PCDHGA11: variants seen among roughly 807,000 people sequenced by gnomAD.
PCDHGA11 encodes protocadherin gamma-A11.
In PCDHGA11, 39 loss-of-function variants were observed where a neutral mutation model predicts 60.4. The ratio of observed to expected loss-of-function variants is 0.65; its 90% confidence interval spans 0.50 to 0.84. The LOEUF (loss-of-function observed/expected upper bound fraction) is 0.84. Among genes scored for constraint, PCDHGA11 ranks in the 40% least tolerant of loss-of-function variants. The probability of loss-of-function intolerance (pLI) is 0.00; values close to 1 mark genes in which losing one functional copy is unlikely to be tolerated. For synonymous variants in PCDHGA11, 533 were observed against 510.3 expected (o/e 1.04, Z -0.60); for missense variants, 1,165 against 1,197.7 (o/e 0.97, Z 0.40).
chr5:141,434,474 A>G (rs979175338), intron 1 of PCDHGA11, among the ~76,000 whole-genome samples: 2 of 152,222 alleles, frequency 1.3e-5, no homozygotes, highest in Non-Finnish European at 2.9e-5. Context: ...GAATGAGGGC[A>G]AGGAACACCT....
At chr5:141,472,412 G>C (rs1283620276) in intron 1 of PCDHGA11, among the ~76,000 whole-genome samples, 1 of 152,058 alleles carries the variant, frequency 6.6e-6, no homozygotes, top group Non-Finnish European at 1.5e-5. Context: ...GTGGTGGCAC[G>C]CACCTGTATC....
chr5:141,474,407 G>A (rs1431210575), intron 1 of PCDHGA11, among the ~76,000 whole-genome samples: 2 of 152,230 alleles, frequency 1.3e-5, no homozygotes, highest in East Asian at 1.9e-4. Flanking sequence ...GCTCCCCGGT[G>A]ATGCCTAGAC....
In PCDHGA11 at chr5:141,431,643, A is replaced by G. The variant is rs528599572; in HGVS notation, c.2433+7983A>G. Reference sequence around the variant, plus strand: ...AAGGCGGCCCAAGTTTTCAAACTAGATTGTAATTCAGGGACAATATCAACA... The same window carrying G: ...AAGGCGGCCCAAGTTTTCAAACTAGGTTGTAATTCAGGGACAATATCAACA... On this transcript the variant is annotated intron_variant, in intron 1 of 3. Coordinates refer to ENST00000398587, the MANE Select transcript of PCDHGA11 (RefSeq NM_018914.3). The surrounding 1 kb of genome is among the most constrained non-coding windows in gnomAD (Gnocchi z 4.8). 5.0e-5 allele frequency: 81 copies of G among 1,614,240 alleles called. No individual in the cohort carries two copies. In the South Asian group the frequency reaches 7.4e-4, roughly 15 times the overall value.
chr5:141,478,481 C>A, intron 1 of PCDHGA11: 1 of 1,613,576 alleles, frequency 6.2e-7, no homozygotes, highest in South Asian at 1.1e-5. Flanking sequence ...CCAGAACACG[C>A]TGCGGAGCTG....
intron 2 of PCDHGA11, among the ~76,000 whole-genome samples, chr5:141,504,947 A>G (rs1595930930): frequency 6.6e-6 from 1 of 152,200 alleles, no homozygotes; most frequent in Non-Finnish European, 1.5e-5. Context: ...GGAATGCACT[A>G]TGTTCAATGC....
At chr5:141,488,784 T>C (rs116057353) in intron 1 of PCDHGA11, among the ~76,000 whole-genome samples, 1 of 152,248 alleles carries the variant, frequency 6.6e-6, no homozygotes, top group African/African-American at 2.4e-5. Flanking sequence ...TTGTATCACT[T>C]TGTCTTCCCT....
chr5:141,478,744 T>C, intron 1 of PCDHGA11: 1 of 1,528,172 alleles, frequency 6.5e-7, no homozygotes, highest in Non-Finnish European at 8.8e-7. Flanking sequence ...TGTGGTCCCA[T>C]TTCAGGGGGA....
Position 141,489,793 on chromosome 5 carries a change from C to T in PCDHGA11, c.2434-5014C>T, listed in dbSNP as rs749700050. On this transcript the variant is annotated intron_variant, in intron 1 of 3. Transcript: ENST00000398587. The surrounding 1 kb of genome is among the most constrained non-coding windows in gnomAD (Gnocchi z 4.5). ...CCACTTCTCTCTGAATGTGAAGACC[C>T]TAAAAGATGGGAAGCCATTCCCAGA... The T allele has an allele frequency of 6.2e-7, 1 of 1,614,044 alleles. No homozygotes were observed. Among genetic ancestry groups the T allele is most frequent in the Non-Finnish European group, 8.5e-7 (1 of 1,180,010 alleles).
At chr5:141,481,703 C>T (rs909197135) in intron 1 of PCDHGA11, among the ~76,000 whole-genome samples, 1 of 152,090 alleles carries the variant, frequency 6.6e-6, no homozygotes, top group Admixed American at 6.5e-5. Context: ...CCTGTAATCC[C>T]AGCACTTTGG....
intron 1 of PCDHGA11, among the ~76,000 whole-genome samples, chr5:141,443,667 C>G (rs62379164): frequency 0.042 from 6,382 of 152,210 alleles, 168 homozygotes; most frequent in Middle Eastern, 0.088. Flanking sequence ...TTTTACTGAA[C>G]TAGTAGTTTA....
In PCDHGA11 at chr5:141,476,101, A is replaced by G; in HGVS notation, c.2434-18706A>G. The G allele has an allele frequency of 6.3e-7, 1 of 1,576,386 alleles. No individual in the cohort carries two copies. Among genetic ancestry groups the G allele is most frequent in the East Asian group, 2.2e-5 (1 of 44,540 alleles). On this transcript the variant is annotated intron_variant, in intron 1 of 3. Coordinates refer to ENST00000398587, the MANE Select transcript of PCDHGA11 (RefSeq NM_018914.3). This position sits in a 1 kb window ranked among gnomAD's most constrained non-coding sequence, Gnocchi z 7.6. ...GACGATCTGGACCCCGCTGAGAGGA[A>G]CTGCTTTTGAGTGAGATGGTCCCAG... is the stretch of plus-strand genomic sequence containing the variant.
intron 1 of PCDHGA11, chr5:141,427,902 C>G: frequency 6.4e-7 from 1 of 1,573,742 alleles, no homozygotes; most frequent in South Asian, 1.1e-5. Flanking sequence ...CTCGCCCGCG[C>G]TCAGCGCCAA....
At chr5:141,427,192 A>T (rs1191677237) in intron 1 of PCDHGA11, 1 of 456,566 alleles carries the variant, frequency 2.2e-6, no homozygotes. Context: ...AAATCCAAAG[A>T]CTTAATAGAC....
chr5:141,491,496 C>T lies in PCDHGA11; in HGVS notation c.2434-3311C>T, dbSNP rs372523924. ...AGTCCAGCCCCAACCTGCAGGTGAG[C>T]TCGGACGGCACGCTCAAGTACATGG... On this transcript the variant is annotated intron_variant, in intron 1 of 3. Transcript: ENST00000398587. This position sits in a 1 kb window ranked among gnomAD's most constrained non-coding sequence, Gnocchi z 6.9. 2.9e-5 allele frequency: 47 copies of T among 1,614,004 alleles called. No individual in the cohort carries two copies. Among genetic ancestry groups the T allele is most frequent in the Non-Finnish European group, 3.7e-5 (44 of 1,180,026 alleles).
rs2096663485 is a variant in PCDHGA11, at chr5:141,422,674, A to G, written c.1447A>G (p.Lys483Glu). 3 of 1,606,698 alleles carry G rather than the reference A, an allele frequency of 1.9e-6. No individual in the cohort carries two copies. The East Asian group carries it at 6.7e-5, about 36-fold the overall frequency. Residue 483 changes from lysine (K) to glutamate (E), a missense_variant, in exon 1 of 4, where the codon AAA becomes GAA. Transcript: ENST00000398587. ...FSVTALDPDSKQNALVTYSLT... is the reference protein window; with the variant it reads ...FSVTALDPDSEQNALVTYSLT... ...AGTGACCGCCCTCGACCCGGACAGC[A>G]AACAGAATGCCCTGGTCACTTACTC...
At chr5:141,425,258 G>T (rs965944291) in intron 1 of PCDHGA11, among the ~76,000 whole-genome samples, 2 of 152,134 alleles carry the variant, frequency 1.3e-5, no homozygotes, top group Non-Finnish European at 2.9e-5. Context: ...GAGGTATTTG[G>T]CTGGGAAAAG....
At chr5:141,456,342 G>A (rs1439003615) in intron 1 of PCDHGA11, among the ~76,000 whole-genome samples, 1 of 152,114 alleles carries the variant, frequency 6.6e-6, no homozygotes, top group African/African-American at 2.4e-5. Context: ...AAGGGTCCTC[G>A]GAAGAATGGC....
intron 1 of PCDHGA11, among the ~76,000 whole-genome samples, chr5:141,460,110 A>G (rs966038979): frequency 2.0e-5 from 3 of 151,894 alleles, no homozygotes; most frequent in African/African-American, 7.2e-5. Context: ...ATTATATATG[A>G]TTTTTATATA....
At position 141,431,262 on chromosome 5, in the gene PCDHGA11, A is replaced by G. The variant is rs371663018; in HGVS notation, c.2433+7602A>G. The stretch of plus-strand genomic sequence containing the variant: ...CCGGATATCGGGAAGAACTCTCTGC[A>G]GAGCTACGAGCTCAGCCCGAACACT... On this transcript the variant is annotated intron_variant, in intron 1 of 3. Coordinates refer to ENST00000398587, the MANE Select transcript of PCDHGA11 (RefSeq NM_018914.3). The surrounding 1 kb of genome is among the most constrained non-coding windows in gnomAD (Gnocchi z 4.8). The G allele has an allele frequency of 2.6e-5, 42 of 1,614,184 alleles. No homozygotes were observed. In the African/African-American group the frequency reaches 2.7e-4, roughly 10 times the overall value.
Sources: allele counts gnomAD v4.1 joint callset (sites outside exome capture counted in the v4.1 genomes callset), GRCh38; gene constraint gnomAD v4.1.1; non-coding constraint Gnocchi (gnomAD v3.1); transcripts MANE v1.5; gene names NCBI Gene and HGNC (gene_info 2026-07-23, HGNC 2026-07-21).